Variants in RBFOX1 observed in about 807,000 individuals in gnomAD.
The protein encoded by RBFOX1 is RNA binding protein fox-1 homolog 1.
In RBFOX1, 8 loss-of-function variants were observed where a neutral mutation model predicts 57.7. The observed-to-expected ratio is 0.14, with a 90% CI of 0.08 to 0.25. The LOEUF (loss-of-function observed/expected upper bound fraction) is 0.25. Ranked by LOEUF, RBFOX1 falls within the 10% of genes least tolerant of loss-of-function variation. The pLI, the probability that RBFOX1 is intolerant of heterozygous loss-of-function variation, is 1.00. For synonymous variants in RBFOX1, 326 were observed against 222.4 expected (o/e 1.47, Z -4.15); for missense variants, 611 against 548.5 (o/e 1.11, Z -1.14).
chr16:7,553,836 T>C (rs891363830), intron 5 of RBFOX1, among the ~76,000 whole-genome samples: 1 of 152,208 alleles, frequency 6.6e-6, no homozygotes, highest in Admixed American at 6.5e-5. Context: ...TTTTAGTAGA[T>C]AGTGACATTT....
At chr16:6,565,433 AT>A (rs1186258532) in intron 2 of RBFOX1, among the ~76,000 whole-genome samples, 7 of 151,274 alleles carry the variant, frequency 4.6e-5, no homozygotes, top group Non-Finnish European at 1.0e-4. Flanking sequence ...AATTTTTTGT[AT>A]TTTTAGTAGA....
At chr16:5,953,489 C>A (rs2059560826) in intron 4 of RBFOX1, among the ~76,000 whole-genome samples, 1 of 152,030 alleles carries the variant, frequency 6.6e-6, no homozygotes, top group Admixed American at 6.5e-5. Context: ...TCCCTCACCT[C>A]CTTCCCACCC....
chr16:6,676,798 C>T (rs1257474667), intron 3 of RBFOX1, among the ~76,000 whole-genome samples: 11 of 151,354 alleles, frequency 7.3e-5, no homozygotes, highest in Non-Finnish European at 1.5e-4. Flanking sequence ...GCCTCAGCCT[C>T]CCTAGTAGCT....
intron 1 of RBFOX1, among the ~76,000 whole-genome samples, chr16:5,404,192 A>G (rs1419169176): frequency 6.6e-6 from 1 of 152,176 alleles, no homozygotes; most frequent in Non-Finnish European, 1.5e-5. Flanking sequence ...GTTAATTCAT[A>G]CAATGTACCT....
intron 2 of RBFOX1, among the ~76,000 whole-genome samples, chr16:5,565,407 C>T (rs1439725911): frequency 6.6e-6 from 1 of 151,994 alleles, no homozygotes. Flanking sequence ...GGGCAGATCA[C>T]CTGAGGTTGG....
chr16:6,988,731 A>ATTTTTTTTTTTTTTTTT (rs111959126), intron 3 of RBFOX1, among the ~76,000 whole-genome samples: 1 of 91,292 alleles, frequency 1.1e-5, no homozygotes, highest in Non-Finnish European at 2.0e-5. Context: ...CACCCAGCTA[A>ATTTTTTTTTTTTTTTTT]TTTTTTTTTT....
At chr16:6,325,419 T>C (rs1343745967) in intron 2 of RBFOX1, among the ~76,000 whole-genome samples, 3 of 152,232 alleles carry the variant, frequency 2.0e-5, no homozygotes, top group Admixed American at 2.0e-4. Context: ...TCACCTTCTA[T>C]TAGCTTTAAC....
chr16:6,450,839 GTATATATATATATATATATA>G (rs1202016714), intron 2 of RBFOX1, among the ~76,000 whole-genome samples: 4 of 13,600 alleles, frequency 2.9e-4, no homozygotes, highest in Non-Finnish European at 4.7e-4. Flanking sequence ...ATATATATGT[GTATATATATATATATATATA>G]TATATATATA....
At chr16:7,600,718 A>G (rs751925559) in intron 9 of RBFOX1, among the ~76,000 whole-genome samples, 1 of 152,240 alleles carries the variant, frequency 6.6e-6, no homozygotes, top group Non-Finnish European at 1.5e-5. Flanking sequence ...TACTTCAATC[A>G]TGTATCCAGA....
chr16:5,427,942 G>A (rs1255407587), intron 1 of RBFOX1, among the ~76,000 whole-genome samples: 2 of 152,212 alleles, frequency 1.3e-5, no homozygotes, highest in Admixed American at 1.3e-4. Context: ...CACAGGTAGA[G>A]TCAGCACCCG....
intron 3 of RBFOX1, among the ~76,000 whole-genome samples, chr16:7,041,494 A>G (rs2046177762): frequency 6.6e-6 from 1 of 152,122 alleles, no homozygotes; most frequent in South Asian, 2.1e-4. Flanking sequence ...CTGTTCTGTG[A>G]CAAGCGCTGT....
intron 3 of RBFOX1, among the ~76,000 whole-genome samples, chr16:6,957,264 T>C (rs1441728906): frequency 6.6e-6 from 1 of 151,862 alleles, no homozygotes; most frequent in Non-Finnish European, 1.5e-5. Flanking sequence ...CCCGAGTAGC[T>C]GGGACTACAG....
chr16:7,567,513 C>A lies in RBFOX1; in HGVS notation c.271-12264C>A, dbSNP rs1357205266. ...TATATGTATATCCCTATGTATGGCCCTATATATATATCCCTATGTATGGCC... is the reference window on the plus strand; with the variant it reads ...TATATGTATATCCCTATGTATGGCCATATATATATATCCCTATGTATGGCC... On this transcript the variant is annotated intron_variant, in intron 5 of 15. Coordinates refer to ENST00000550418, the MANE Select transcript of RBFOX1 (RefSeq NM_018723.4). 3.7e-4 allele frequency among the ~76,000 whole-genome samples: 43 copies of A among 116,546 alleles called. 1 individual carries two copies. Among genetic ancestry groups the A allele is most frequent in the Middle Eastern group, 9.3e-3 (1 of 108 alleles). 76.5% of individuals were successfully genotyped at this position (116,546 alleles called of 152,430 possible).
At chr16:6,535,319 G>T (rs762575114) in intron 2 of RBFOX1, among the ~76,000 whole-genome samples, 6 of 152,214 alleles carry the variant, frequency 3.9e-5, no homozygotes, top group Non-Finnish European at 8.8e-5. Context: ...AGTGAACCCA[G>T]AGATTTACTT....
chr16:5,290,742 A>G (rs1045187786), intron 1 of RBFOX1, among the ~76,000 whole-genome samples: 5 of 151,164 alleles, frequency 3.3e-5, no homozygotes, highest in Non-Finnish European at 5.9e-5. Flanking sequence ...CTTGACGCCT[A>G]GGCTGGAGTA....
intron 1 of RBFOX1, among the ~76,000 whole-genome samples, chr16:6,021,026 C>T (rs1043734177): frequency 1.3e-5 from 2 of 152,180 alleles, no homozygotes; most frequent in South Asian, 2.1e-4. Context: ...ACTGGAACAT[C>T]TGGGGTGCGG....
intron 1 of RBFOX1, among the ~76,000 whole-genome samples, chr16:5,394,647 G>A (rs1003752446): frequency 1.1e-4 from 16 of 145,014 alleles, no homozygotes; most frequent in African/African-American, 4.1e-4. Context: ...CTGCATTCTC[G>A]ACCTCCTGGG....
chr16:7,418,774 G>GTCTTTATCTCTA lies in RBFOX1; in HGVS notation c.28-99370_28-99369insTTATCTCTATCT, dbSNP rs1555883834. Among the ~76,000 whole-genome samples, 3 of 151,544 alleles carry GTCTTTATCTCTA rather than the reference G, an allele frequency of 2.0e-5. No individual in the cohort carries two copies. The South Asian group carries it at 6.2e-4, about 32-fold the overall frequency. The stretch of plus-strand genomic sequence containing the variant: ...TTCTCCTCTCTCTCACTGTGTCTGT[G>GTCTTTATCTCTA]TCTCTATCTCTGTCTTTCTCTGTCT... On this transcript the variant is annotated intron_variant, in intron 4 of 15. Coordinates refer to ENST00000550418, the MANE Select transcript of RBFOX1 (RefSeq NM_018723.4).
At chr16:7,077,528 A>G (rs1567173823) in intron 4 of RBFOX1, among the ~76,000 whole-genome samples, 1 of 152,188 alleles carries the variant, frequency 6.6e-6, no homozygotes, top group Admixed American at 6.5e-5. Context: ...GTACAGTGAA[A>G]TGCTGGTATT....
Sources: allele counts gnomAD v4.1 joint callset (sites outside exome capture counted in the v4.1 genomes callset), GRCh38; gene constraint gnomAD v4.1.1; transcripts MANE v1.5; gene names NCBI Gene and HGNC (gene_info 2026-07-23, HGNC 2026-07-21).